SSBP3: variants seen among roughly 807,000 people sequenced by gnomAD.
The protein encoded by SSBP3 is single stranded DNA binding protein 3, also known as single-stranded DNA-binding protein 3.
Under a neutral mutation model 69.6 loss-of-function variants are expected in SSBP3, and 5 were observed. The ratio of observed to expected loss-of-function variants is 0.07; its 90% CI spans 0.04 to 0.15. SSBP3 has a LOEUF of 0.15. Among genes scored for constraint, SSBP3 ranks in the 10% least tolerant of loss-of-function variants. SSBP3 has a pLI of 1.00. For synonymous variants in SSBP3, 196 were observed against 193.4 expected, an observed-to-expected ratio of 1.01 and a Z score of -0.11; for missense variants, 312 against 534.0, an observed-to-expected ratio of 0.58 and a Z score of 4.10.
Position 54,381,415 on chromosome 1 carries a change from A to C in SSBP3, c.276+20446T>G, listed in dbSNP as rs532304317. 9.5e-5 allele frequency among the ~76,000 whole-genome samples: 14 copies of C among 147,636 alleles called. No individual in the cohort carries two copies. The East Asian group carries it at 1.0e-3, about 11-fold the overall frequency. On this transcript the variant is annotated intron_variant, in intron 4 of 17. Transcript: ENST00000610401. ...AAAAAAAAAAAAAAAAAAGAGAGAG[A>C]GAGCATGTCAGTAGAGTCTTCATTC...
At chr1:54,278,059 C>T (rs1022253613) in intron 5 of SSBP3, among the ~76,000 whole-genome samples, 16 of 152,218 alleles carry the variant, frequency 1.1e-4, no homozygotes, top group African/African-American at 3.9e-4. Context: ...AAACTAGGGT[C>T]CAGAGATGGG....
chr1:54,239,002 G>C, intron 14 of SSBP3, 127 bp downstream of exon 14: 1 of 822,676 alleles, frequency 1.2e-6, no homozygotes. Context: ...CTTTTCTGAC[G>C]GTTTATTTTA....
chr1:54,340,324 G>A (rs1481080991), intron 4 of SSBP3, among the ~76,000 whole-genome samples: 2 of 152,344 alleles, frequency 1.3e-5, no homozygotes, highest in East Asian at 3.9e-4. Flanking sequence ...CCCCGCATAT[G>A]CCAAAGTGCC....
At chr1:54,340,323 T>C (rs973490716) in intron 4 of SSBP3, among the ~76,000 whole-genome samples, 1 of 152,246 alleles carries the variant, frequency 6.6e-6, no homozygotes, top group African/African-American at 2.4e-5. Flanking sequence ...TCCCCGCATA[T>C]GCCAAAGTGC....
At chr1:54,273,199 T>C (rs765500822) in intron 5 of SSBP3, among the ~76,000 whole-genome samples, 1 of 152,256 alleles carries the variant, frequency 6.6e-6, no homozygotes, top group Non-Finnish European at 1.5e-5. Flanking sequence ...CGGCAGACAT[T>C]GATTTATGTT....
Position 54,274,740 on chromosome 1 carries a change from T to C in SSBP3, c.366+6698A>G, listed in dbSNP as rs572904375. 1.9e-3 allele frequency among the ~76,000 whole-genome samples: 288 copies of C among 152,304 alleles called. 1 individual carries two copies. Among genetic ancestry groups the C allele is most frequent in the Middle Eastern group, 3.4e-3 (1 of 294 alleles). On this transcript the variant is annotated intron_variant, in intron 5 of 17. Coordinates refer to ENST00000610401, the Ensembl canonical transcript of SSBP3. ...CCAAGGGCCCAGCCCCTCCAGGCCATGGAACCTCTTCCTGGGATCGCGTTG... is the reference window on the plus strand; with the variant it reads ...CCAAGGGCCCAGCCCCTCCAGGCCACGGAACCTCTTCCTGGGATCGCGTTG...
intron 5 of SSBP3, among the ~76,000 whole-genome samples, chr1:54,270,413 G>A (rs904136718): frequency 9.2e-5 from 14 of 152,192 alleles, no homozygotes; most frequent in Non-Finnish European, 7.3e-5. Context: ...AGGTGGCAGG[G>A]GCTAAGGGAG....
chr1:54,232,718 G>A lies in SSBP3; in HGVS notation c.928-3892C>T, dbSNP rs572913908. Among the ~76,000 whole-genome samples the A allele has an allele frequency of 5.3e-5, 8 of 151,024 alleles. No homozygotes were observed. The East Asian group carries it at 5.9e-4, about 11-fold the overall frequency. On this transcript the variant is annotated intron_variant, in intron 14 of 17. Coordinates refer to ENST00000610401, the Ensembl canonical transcript of SSBP3. ...CCTGATTCTCCTGCCTCAGCCTGCC[G>A]AGTGCCTGCGATTGCAGGCACGCGC... is the stretch of plus-strand genomic sequence containing the variant.
chr1:54,314,822 T>C (rs531834001), intron 4 of SSBP3, among the ~76,000 whole-genome samples: 1 of 152,132 alleles, frequency 6.6e-6, no homozygotes, highest in Non-Finnish European at 1.5e-5. Flanking sequence ...GCTTCCAGTG[T>C]CCCCTCCCAG....
intron 4 of SSBP3, among the ~76,000 whole-genome samples, chr1:54,355,755 A>C (rs1037190340): frequency 2.0e-5 from 3 of 152,172 alleles, no homozygotes; most frequent in Admixed American, 2.0e-4. Context: ...GTCCCTCTTT[A>C]CGTGAGGTGG....
chr1:54,254,169 G>A (rs1391927007), intron 7 of SSBP3, among the ~76,000 whole-genome samples: 1 of 152,244 alleles, frequency 6.6e-6, no homozygotes, highest in Non-Finnish European at 1.5e-5. Context: ...GGGGCCTACA[G>A]GGGAGCGAGT....
chr1:54,322,664 A>AG (rs984628803), intron 4 of SSBP3, among the ~76,000 whole-genome samples: 1 of 145,580 alleles, frequency 6.9e-6, no homozygotes, highest in African/African-American at 2.5e-5. Flanking sequence ...AAAGAAAAGG[A>AG]AAAAAAAAAA....
chr1:54,353,901 T>C (rs1646822317), intron 4 of SSBP3, among the ~76,000 whole-genome samples: 1 of 152,206 alleles, frequency 6.6e-6, no homozygotes, highest in Non-Finnish European at 1.5e-5. Context: ...GGACTGCAGA[T>C]GATCAGGTCA....
At chr1:54,389,888 AAT>A (rs1648359171) in intron 4 of SSBP3, among the ~76,000 whole-genome samples, 3 of 124,878 alleles carry the variant, frequency 2.4e-5, no homozygotes, top group Admixed American at 7.6e-5. Flanking sequence ...CAAAAAAAAA[AAT>A]TTTTTTTTTT....
intron 4 of SSBP3, among the ~76,000 whole-genome samples, chr1:54,293,078 G>T (rs1031208680): frequency 6.6e-6 from 1 of 152,050 alleles, no homozygotes; most frequent in African/African-American, 2.4e-5. Flanking sequence ...CCCAGCCTGC[G>T]ACCCCAGTCT....
chr1:54,226,601 G>A (rs1431644916), exon 18 of SSBP3: 1 of 157,944 alleles, frequency 6.3e-6, no homozygotes, highest in Non-Finnish European at 1.4e-5. Flanking sequence ...AGCTTTTCTG[G>A]TGGAAGGGCT....
intron 9 of SSBP3, among the ~76,000 whole-genome samples, chr1:54,250,759 G>T (rs775295678): frequency 3.3e-5 from 5 of 152,136 alleles, no homozygotes; most frequent in African/African-American, 4.8e-5. Context: ...GGAACATCGC[G>T]AACGCTCTGC....
intron 4 of SSBP3, among the ~76,000 whole-genome samples, chr1:54,349,730 A>AC (rs1182976323): frequency 6.6e-6 from 1 of 151,936 alleles, no homozygotes; most frequent in Non-Finnish European, 1.5e-5. Context: ...AAAAAAAAAA[A>AC]ATCAAAATCA....
At chr1:54,242,310 C>G in intron 10 of SSBP3, 98 bp from the exon 11 acceptor site, 1 of 1,424,116 alleles carries the variant, frequency 7.0e-7, no homozygotes, top group Admixed American at 1.7e-5. Context: ...GAAATCACAA[C>G]AGGAAGTCCT....
Sources: allele counts gnomAD v4.1 joint callset (sites outside exome capture counted in the v4.1 genomes callset), GRCh38; gene constraint gnomAD v4.1.1; transcripts MANE v1.5; gene names NCBI Gene and HGNC (gene_info 2026-07-23, HGNC 2026-07-21).